Variants in SPRR2D observed in about 807,000 individuals in gnomAD.
The protein encoded by SPRR2D is small proline rich protein 2D.
For synonymous variants in SPRR2D, 43 were observed against 32.8 expected (o/e 1.31, Z -1.06); for missense variants, 81 against 87.2 (o/e 0.93, Z 0.28).
Position 153,039,908 on chromosome 1 carries a change from G to T in SPRR2D, c.*220C>A. ...AGCTCTGGGAGCTGGCACAGCTGAG[G>T]ACTTCCTTTTCTTAGCTCCACCTGG... On this transcript the variant is annotated 3_prime_UTR_variant, in exon 2 of 2. Coordinates refer to ENST00000360379, the MANE Select transcript of SPRR2D (RefSeq NM_006945.5). 2.2e-6 allele frequency: 2 copies of T among 929,592 alleles called. No individual in the cohort carries two copies. Among genetic ancestry groups the T allele is most frequent in the Middle Eastern group, 3.4e-4 (1 of 2,914 alleles). The allele number at this position is 929,592 out of a possible 1,614,324, so 57.6% of individuals were successfully genotyped here.
chr1:153,040,590 T>C (rs2101595719), intron 1 of SPRR2D: 1 of 763,716 alleles, frequency 1.3e-6, no homozygotes, highest in South Asian at 1.9e-5. Context: ...AAAGAAAATA[T>C]CTCTGTAGTA....
chr1:153,040,233 T>G lies in SPRR2D; in HGVS notation c.114A>C (p.Ser38=), dbSNP rs1223517723. 6.2e-7 allele frequency: 1 copy of G among 1,612,608 alleles called. No individual in the cohort carries two copies. Among genetic ancestry groups the G allele is most frequent in the Admixed American group, 1.7e-5 (1 of 59,986 alleles). Reference sequence around the variant, plus strand: ...GTGGGCAGGGCTGTGGACACTTTGGTGATGGGCAGGGCTCAGGGCACTTCG... The same window carrying G: ...GTGGGCAGGGCTGTGGACACTTTGGGGATGGGCAGGGCTCAGGGCACTTCG... ...PPPKCPEPCP[S]PKCPQPCPPQ... The change falls in exon 2 of 2, where the codon TCA becomes TCC. Residue 38 remains serine, a synonymous_variant. Transcript: ENST00000360379.
At chr1:153,040,579 C>A in intron 1 of SPRR2D, 1 of 837,002 alleles carries the variant, frequency 1.2e-6, no homozygotes, top group Non-Finnish European at 1.8e-6. Context: ...ACAATTTTTC[C>A]AAAGAAAATA....
At position 153,040,354 on chromosome 1, in the gene SPRR2D, G is replaced by T. The variant is rs1378434145; in HGVS notation, c.-8C>A. 1 of 1,611,272 alleles carries T rather than the reference G, an allele frequency of 6.2e-7. No individual in the cohort carries two copies. Among genetic ancestry groups the T allele is most frequent in the Non-Finnish European group, 8.5e-7 (1 of 1,179,862 alleles). On this transcript the variant is annotated 5_prime_UTR_variant, in exon 2 of 2. Coordinates refer to ENST00000360379, the MANE Select transcript of SPRR2D (RefSeq NM_006945.5). ...CTGCTGTTGATAAGACATCCTGCTG[G>T]AGTCTCAGGATCTGAAAGAAATGAT... is the stretch of plus-strand genomic sequence containing the variant.
At chr1:153,040,670 G>C (rs1370008219) in intron 1 of SPRR2D, 1 of 481,542 alleles carries the variant, frequency 2.1e-6, no homozygotes, top group East Asian at 4.3e-5. Context: ...CAGATACCAT[G>C]AGCAATCTCA....
Position 153,039,979 on chromosome 1 carries a change from C to G in SPRR2D, c.*149G>C, listed in dbSNP as rs1048282. The G allele has an allele frequency of 2.8e-6, 4 of 1,432,374 alleles. No homozygotes were observed. The South Asian group carries it at 5.6e-5, about 20-fold the overall frequency. 88.7% of individuals were successfully genotyped at this position (1,432,374 alleles called of 1,614,324 possible). Reference sequence around the variant, plus strand: ...TCAGAAAGGGAATCTTTTGCTGTCACAGATCATCACAGGCAGGCCACAGGT... The same window carrying G: ...TCAGAAAGGGAATCTTTTGCTGTCAGAGATCATCACAGGCAGGCCACAGGT... On this transcript the variant is annotated 3_prime_UTR_variant, in exon 2 of 2. Transcript: ENST00000360379.
At position 153,040,140 on chromosome 1, in the gene SPRR2D, G is replaced by A. The variant is rs41263692; in HGVS notation, c.207C>T (p.Pro69=). The A allele has an allele frequency of 1.2e-6, 2 of 1,612,640 alleles. No individual in the cohort carries two copies. The highest frequency in any genetic ancestry group is 3.3e-5 in the Admixed American group (2 of 59,990). The part of the protein sequence containing the change: ...PSPPCQPKCP[P]KSK The stretch of plus-strand genomic sequence containing the variant: ...AATCCTGAAGCTGTTACTTGCTCTT[G>A]GGTGGACACTTTGGCTGGCAGGGTG... Residue 69 remains proline, a synonymous_variant, in exon 2 of 2, where the codon CCC becomes CCT. Transcript: ENST00000360379.
At position 153,040,262 on chromosome 1, in the gene SPRR2D, G is replaced by T; in HGVS notation, c.85C>A (p.Pro29Thr). 1 of 1,612,566 alleles carries T rather than the reference G, an allele frequency of 6.2e-7. No homozygotes were observed. Among genetic ancestry groups the T allele is most frequent in the Non-Finnish European group, 8.5e-7 (1 of 1,179,844 alleles). The change falls in exon 2 of 2, where the codon CCC (proline) becomes ACC (threonine). Residue 29 changes from proline (P) to threonine (T), a missense_variant. By Grantham distance (38) the Pro-to-Thr change is conservative. Transcript: ENST00000360379. ...GGGCAGGGCTCAGGGCACTTCGGGG[G>T]TGGACATGGCTCTGGGCACTTTGGC... ...PTPKCPEPCP[P>T]PKCPEPCPSP... is the part of the protein sequence containing the mutation.
chr1:153,040,528 A>C, intron 1 of SPRR2D, 163 bp from the exon 2 acceptor site: 1 of 1,258,710 alleles, frequency 7.9e-7, no homozygotes, highest in Non-Finnish European at 1.1e-6. Flanking sequence ...CCACTTTAGC[A>C]AATTGCTTCA....
chr1:153,040,413 G>A (rs1653959572), intron 1 of SPRR2D, 48 bp from the exon 2 acceptor site: 3 of 1,606,348 alleles, frequency 1.9e-6, no homozygotes, highest in East Asian at 2.2e-5. Flanking sequence ...CTCCTCCAGA[G>A]AGAGAAGCTA....
chr1:153,040,407 TC>T, intron 1 of SPRR2D, 42 bp from the exon 2 acceptor site: 1 of 1,607,240 alleles, frequency 6.2e-7, no homozygotes, highest in Admixed American at 1.7e-5. Context: ...AAGGGACTCC[TC>T]CAGAGAGAGA....
Position 153,040,230 on chromosome 1 carries a change from T to C in SPRR2D, c.117A>G (p.Pro39=). ...PPKCPEPCPS[P]KCPQPCPPQQ... is the part of the protein sequence containing the mutation. ...GAGGTGGGCAGGGCTGTGGACACTT[T>C]GGTGATGGGCAGGGCTCAGGGCACT... is the stretch of plus-strand genomic sequence containing the variant. Residue 39 remains proline (P), a synonymous_variant, in exon 2 of 2, where the codon CCA becomes CCG. Coordinates refer to ENST00000360379, the MANE Select transcript of SPRR2D (RefSeq NM_006945.5). 4 of 1,612,678 alleles carry C rather than the reference T, an allele frequency of 2.5e-6. No homozygotes were observed. The highest frequency in any genetic ancestry group is 3.4e-6 in the Non-Finnish European group (4 of 1,179,840).
At chr1:153,041,014 T>C (rs1235962885) in intron 1 of SPRR2D, 64 bp downstream of exon 1, 2 of 155,146 alleles carry the variant, frequency 1.3e-5, no homozygotes, top group East Asian at 3.8e-4. Flanking sequence ...AAACTTGCTG[T>C]TTTCAGATTA....
chr1:153,040,056 G>A lies in SPRR2D; in HGVS notation c.*72C>T. 6.4e-7 allele frequency: 1 copy of A among 1,564,968 alleles called. No individual in the cohort carries two copies. Among genetic ancestry groups the A allele is most frequent in the Non-Finnish European group, 8.7e-7 (1 of 1,154,222 alleles). On this transcript the variant is annotated 3_prime_UTR_variant, in exon 2 of 2. Coordinates refer to ENST00000360379, the MANE Select transcript of SPRR2D (RefSeq NM_006945.5). ...CCATGGAAGGCTTTGGTGAGAAGAT[G>A]CAAGTGGAGCTGTGGAACGAGGTGA... is the stretch of plus-strand genomic sequence containing the variant.
rs1570975001 is a variant in SPRR2D at position 153,039,903 on chromosome 1, C to A, written c.*225G>T. 1.2e-5 allele frequency: 11 copies of A among 897,540 alleles called. No individual in the cohort carries two copies. The East Asian group carries it at 3.0e-4, about 24-fold the overall frequency. 55.6% of individuals were successfully genotyped at this position (897,540 alleles called of 1,614,324 possible). On this transcript the variant is annotated 3_prime_UTR_variant, in exon 2 of 2. Coordinates refer to ENST00000360379, the MANE Select transcript of SPRR2D (RefSeq NM_006945.5). ...TCCGAAGCTCTGGGAGCTGGCACAG[C>A]TGAGGACTTCCTTTTCTTAGCTCCA...
intron 1 of SPRR2D, 178 bp from the exon 2 acceptor site, chr1:153,040,543 C>T: frequency 1.8e-6 from 2 of 1,128,156 alleles, no homozygotes; most frequent in South Asian, 3.3e-5. Flanking sequence ...GCTTCATTGG[C>T]CCTGGGAAAT....
In SPRR2D at chr1:153,040,272, C is replaced by T. The variant is rs41264574; in HGVS notation, c.75G>A (p.Glu25=). ...CAGGGCACTTCGGGGGTGGACATGG[C>T]TCTGGGCACTTTGGCGTGGGGCACA... ...PPVCPTPKCP[E]PCPPPKCPEP... The change falls in exon 2 of 2, where the codon GAG becomes GAA. Residue 25 remains glutamate, a synonymous_variant. Coordinates refer to ENST00000360379, the MANE Select transcript of SPRR2D (RefSeq NM_006945.5). 8.7e-6 allele frequency: 14 copies of T among 1,612,292 alleles called. No individual in the cohort carries two copies. The highest frequency in any genetic ancestry group is 1.1e-5 in the Non-Finnish European group (13 of 1,179,854).
In SPRR2D at chr1:153,040,381, C is replaced by T; in HGVS notation, c.-19-16G>A. 6.2e-7 allele frequency: 1 copy of T among 1,609,910 alleles called. No individual in the cohort carries two copies. The highest frequency in any genetic ancestry group is 2.2e-5 in the East Asian group (1 of 44,882). On this transcript the variant is annotated splice_polypyrimidine_tract_variant and intron_variant, in intron 1 of 1. Transcript: ENST00000360379. ...GTCTCAGGATCTGAAAGAAATGATA[C>T]AACAGTGTTTGTGGGAAGGGACTCC...
At position 153,040,006 on chromosome 1, in the gene SPRR2D, A is replaced by G; in HGVS notation, c.*122T>C. 2.7e-6 allele frequency: 4 copies of G among 1,507,576 alleles called. No individual in the cohort carries two copies. Among genetic ancestry groups the G allele is most frequent in the Non-Finnish European group, 3.6e-6 (4 of 1,120,418 alleles). The allele number at this position is 1,507,576 out of a possible 1,614,324, so 93.4% of individuals were successfully genotyped here. Reference sequence around the variant, plus strand: ...GATCATCACAGGCAGGCCACAGGTTAAGGAGAAAGAAGCTCCCTGTGCATC... The same window carrying G: ...GATCATCACAGGCAGGCCACAGGTTGAGGAGAAAGAAGCTCCCTGTGCATC... On this transcript the variant is annotated 3_prime_UTR_variant, in exon 2 of 2. Transcript: ENST00000360379.
Sources: gnomAD v4.1 joint callset for allele counts on GRCh38, gnomAD v4.1.1 for gene constraint, MANE v1.5 for transcripts, NCBI Gene and HGNC (gene_info 2026-07-23, HGNC 2026-07-21) for gene names.